Variants in SHPK observed in about 807,000 individuals in gnomAD.
The protein encoded by SHPK is carbohydrate kinase-like protein.
In SHPK, 51 loss-of-function variants were observed where a neutral mutation model predicts 46.3. The ratio of observed to expected loss-of-function variants is 1.10; its 90% CI spans 0.88 to 1.39. The LOEUF (loss-of-function observed/expected upper bound fraction) is 1.39. Ranked by LOEUF, SHPK falls within the 40% of genes most tolerant of loss-of-function variation. The pLI is 0.00. For missense variants in SHPK, 668 were observed against 641.3 expected (o/e 1.04, Z -0.45); for synonymous variants, 290 against 273.9 (o/e 1.06, Z -0.58).
At chr17:3,628,381 G>T (rs1368443412) in intron 2 of SHPK, among the ~76,000 whole-genome samples, 1 of 150,990 alleles carries the variant, frequency 6.6e-6, no homozygotes, top group African/African-American at 2.4e-5. Context: ...GGAGTGCAGT[G>T]GCGCGATCTC....
intron 1 of SHPK, among the ~76,000 whole-genome samples, chr17:3,631,081 C>T (rs1242772437): frequency 2.6e-5 from 4 of 152,056 alleles, no homozygotes; most frequent in Non-Finnish European, 1.5e-5. Flanking sequence ...TGTCAGCCTG[C>T]GGCCTTGGTC....
rs2075420568 is a variant in SHPK, at chr17:3,624,351, TG to T, written c.311-121del. 18 of 925,066 alleles carry T rather than the reference TG, an allele frequency of 1.9e-5. No homozygotes were observed. The South Asian group carries it at 3.1e-4, about 16-fold the overall frequency. 57.3% of individuals were successfully genotyped at this position (925,066 alleles called of 1,614,324 possible). On this transcript the variant is annotated intron_variant, in intron 2 of 6. Coordinates refer to ENST00000225519, the MANE Select transcript of SHPK (RefSeq NM_013276.4). ...GTGCGAATCGTCCCATGATAAAGCC[TG>T]GCACACCTATGGGTCCTGATAGCAC...
At chr17:3,624,722 C>T (rs899077278) in intron 2 of SHPK, among the ~76,000 whole-genome samples, 3 of 152,122 alleles carry the variant, frequency 2.0e-5, no homozygotes, top group East Asian at 1.9e-4. Context: ...GGCATGATCC[C>T]GGCTCACTGC....
At chr17:3,621,741 C>T (rs1056504011) in intron 4 of SHPK, among the ~76,000 whole-genome samples, 1 of 151,878 alleles carries the variant, frequency 6.6e-6, no homozygotes, top group Non-Finnish European at 1.5e-5. Flanking sequence ...CAACCTCCAC[C>T]TCCCAGGTTC....
chr17:3,623,982 G>T, intron 3 of SHPK, 66 bp downstream of exon 3: 8 of 1,459,964 alleles, frequency 5.5e-6, no homozygotes, highest in Non-Finnish European at 7.5e-6. Context: ...TGATGCTGAC[G>T]CAGCCCCGGC....
chr17:3,610,606 G>T lies in SHPK; in HGVS notation c.1391C>A (p.Ala464Glu), dbSNP rs1303696432. The T allele has an allele frequency of 1.2e-6, 2 of 1,613,294 alleles. No homozygotes were observed. The highest frequency in any genetic ancestry group is 4.5e-5 in the East Asian group (2 of 44,862). ...GTGTCTCCGGAGCATGACCAGAGCT[G>T]CCCCGACAGCTGCATCCACATCCTG... ...FGQDVDAAVG[A>E]ALVMLRRHLN... Residue 464 changes from alanine (A) to glutamate (E), a missense_variant, in exon 7 of 7, where the codon GCA (alanine) becomes GAA (glutamate). Ala to Glu is a moderately radical substitution (Grantham distance 107). Transcript: ENST00000225519.
rs190838940 is a variant in SHPK at position 3,628,556 on chromosome 17, C to T, written c.310+1649G>A. Reference sequence around the variant, plus strand: ...CAGGCTGGTCTCTAATTCCTGACCTCGTGATCTGCCCGCCTCAGCCTCCCA... The same window carrying T: ...CAGGCTGGTCTCTAATTCCTGACCTTGTGATCTGCCCGCCTCAGCCTCCCA... On this transcript the variant is annotated intron_variant, in intron 2 of 6. Coordinates refer to ENST00000225519, the MANE Select transcript of SHPK (RefSeq NM_013276.4). Among the ~76,000 whole-genome samples, 7 of 152,196 alleles carry T rather than the reference C, an allele frequency of 4.6e-5. No homozygotes were observed. The East Asian group carries it at 9.7e-4, about 21-fold the overall frequency.
chr17:3,624,240 A>T lies in SHPK; in HGVS notation c.311-9T>A. The stretch of plus-strand genomic sequence containing the variant: ...CTCTGTCCATTCACAGCCTGGAACA[A>T]AAGAGATGACCAAAAATGAAGAAAA... On this transcript the variant is annotated splice_polypyrimidine_tract_variant and intron_variant, in intron 2 of 6. Coordinates refer to ENST00000225519, the MANE Select transcript of SHPK (RefSeq NM_013276.4). The T allele has an allele frequency of 6.3e-7, 1 of 1,594,852 alleles. No individual in the cohort carries two copies. Among genetic ancestry groups the T allele is most frequent in the Non-Finnish European group, 8.6e-7 (1 of 1,165,692 alleles).
At chr17:3,612,805 G>A (rs939139740) in intron 6 of SHPK, among the ~76,000 whole-genome samples, 3 of 150,284 alleles carry the variant, frequency 2.0e-5, no homozygotes, top group Non-Finnish European at 4.4e-5. Context: ...AGGCTGGAGT[G>A]CAGTGGCGCG....
intron 2 of SHPK, 121 bp downstream of exon 2, chr17:3,630,084 G>T (rs763796510): frequency 8.5e-6 from 11 of 1,287,248 alleles, no homozygotes; most frequent in Non-Finnish European, 1.2e-5. Flanking sequence ...TCCACTCCAA[G>T]AAACAAGACC....
At chr17:3,630,820 C>T (rs1597578701) in intron 1 of SHPK, among the ~76,000 whole-genome samples, 2 of 152,212 alleles carry the variant, frequency 1.3e-5, no homozygotes, top group African/African-American at 2.4e-5. Flanking sequence ...GCCGAGATCA[C>T]GCCACGGCAC....
At chr17:3,619,810 G>T in intron 5 of SHPK, 1 of 458,702 alleles carries the variant, frequency 2.2e-6, no homozygotes, top group Non-Finnish European at 4.3e-6. Context: ...CCATCCTGCT[G>T]CTTTAAGATT....
At chr17:3,633,556 G>T (rs542364568) in intron 1 of SHPK, among the ~76,000 whole-genome samples, 8 of 152,040 alleles carry the variant, frequency 5.3e-5, no homozygotes, top group Non-Finnish European at 8.8e-5. Context: ...CCCAGAGCAC[G>T]ATTCATATGT....
chr17:3,621,459 G>C (rs746328621), intron 4 of SHPK, 47 bp from the exon 5 acceptor site: 1 of 1,544,120 alleles, frequency 6.5e-7, no homozygotes, highest in Non-Finnish European at 8.8e-7. Flanking sequence ...GTTAGGTTTC[G>C]GGAATTTAAG....
intron 6 of SHPK, among the ~76,000 whole-genome samples, chr17:3,613,403 C>T (rs1429215447): frequency 6.6e-6 from 1 of 152,168 alleles, no homozygotes; most frequent in Non-Finnish European, 1.5e-5. Context: ...GAATGTTTAA[C>T]CTCTGCAAAT....
At chr17:3,628,386 G>A (rs780118917) in intron 2 of SHPK, among the ~76,000 whole-genome samples, 4 of 149,426 alleles carry the variant, frequency 2.7e-5, no homozygotes, top group African/African-American at 9.9e-5. Flanking sequence ...GCAGTGGCGC[G>A]ATCTCGGCTC....
At chr17:3,635,000 T>C (rs950189073) in intron 1 of SHPK, among the ~76,000 whole-genome samples, 1 of 151,676 alleles carries the variant, frequency 6.6e-6, no homozygotes, top group Non-Finnish European at 1.5e-5. Context: ...GGCGAAACCC[T>C]GTCTCTACTA....
Position 3,609,726 on chromosome 17 carries a change from A to G in SHPK, c.*834T>C, listed in dbSNP as rs893583672. On this transcript the variant is annotated 3_prime_UTR_variant, in exon 7 of 7. Coordinates refer to ENST00000225519, the MANE Select transcript of SHPK (RefSeq NM_013276.4). Reference sequence around the variant, plus strand: ...TTCTGGAATGTGCAGGGGCAAAAACACTGCTGCACAGACATGCTCCTGGCA... The same window carrying G: ...TTCTGGAATGTGCAGGGGCAAAAACGCTGCTGCACAGACATGCTCCTGGCA... The G allele has an allele frequency of 1.3e-5, 2 of 152,314 alleles. No individual in the cohort carries two copies. The highest frequency in any genetic ancestry group is 4.8e-5 in the African/African-American group (2 of 41,458). The allele number at this position is 152,314 out of a possible 1,614,324, so 9.4% of individuals were successfully genotyped here.
chr17:3,635,193 TGAAGGAAGGAAGGAAGGAAGGAAG>T (rs1555555958), intron 1 of SHPK, among the ~76,000 whole-genome samples: 1 of 60,532 alleles, frequency 1.7e-5, no homozygotes, highest in African/African-American at 9.7e-5. Context: ...AAGGAAAGAA[TGAAGGAAGGAAGGAAGGAAGGAAG>T]GAAGGAAGGA....
Sources: allele counts gnomAD v4.1 joint callset (sites outside exome capture counted in the v4.1 genomes callset), GRCh38; gene constraint gnomAD v4.1.1; transcripts MANE v1.5; gene names NCBI Gene and HGNC (gene_info 2026-07-23, HGNC 2026-07-21).